Variants in GALNT16 observed in about 807,000 individuals in gnomAD.
GALNT16 encodes the protein UDP-GalNAc:polypeptide N-acetylgalactosaminyltransferase-like protein 1.
Under a neutral mutation model 76.1 loss-of-function variants are expected in GALNT16, and 40 were observed. That is an observed-to-expected ratio of 0.53 (90% CI 0.41 to 0.68). The LOEUF (loss-of-function observed/expected upper bound fraction) is 0.68. Among genes scored for constraint, GALNT16 ranks in the 30% least tolerant of loss-of-function variants. GALNT16 has a pLI of 0.00. For missense variants in GALNT16, 621 were observed against 731.9 expected (o/e 0.85, Z 1.75); for synonymous variants, 276 against 285.2 (o/e 0.97, Z 0.32).
At position 69,333,337 on chromosome 14, in the gene GALNT16, G is replaced by A. The variant is rs942005850; in HGVS notation, c.864-160G>A. 38 of 700,742 alleles carry A rather than the reference G, an allele frequency of 5.4e-5. No individual in the cohort carries two copies. The highest frequency in any genetic ancestry group is 3.3e-4 in the African/African-American group (18 of 55,226). 43.4% of individuals were successfully genotyped at this position (700,742 alleles called of 1,614,324 possible). A position where few individuals can be genotyped will look rare whatever the true frequency, so the allele number is the denominator to read the frequency against. On this transcript the variant is annotated intron_variant, in intron 8 of 14. Transcript: ENST00000448469. The surrounding 1 kb of genome is among the most constrained non-coding windows in gnomAD (Gnocchi z 4.2). ...CAGGGACAGCGAGGACAGAGGCCAC[G>A]GGAACAGATGTGGGGGGCCAGGGAG...
At chr14:69,358,607 T>G (rs948571297), downstream of GALNT16, 10 of 152,744 alleles carry the variant, frequency 6.5e-5, no homozygotes, top group African/African-American at 2.4e-4. Context: ...GACTTCTCCT[T>G]CTGAAGGATG....
intron 1 of GALNT16, among the ~76,000 whole-genome samples, chr14:69,282,324 G>T (rs116153759): frequency 0.015 from 2,256 of 152,196 alleles, 63 homozygotes; most frequent in African/African-American, 0.051. Context: ...TCCATGCACT[G>T]TGCTCCTTCC....
the GALNT16 span, among the ~76,000 whole-genome samples, chr14:69,382,834 G>A: frequency 6.7e-6 from 1 of 150,330 alleles, no homozygotes; most frequent in South Asian, 2.1e-4. Flanking sequence ...TTTATGGAAA[G>A]CTGTGTGTCG....
chr14:69,302,415 C>A (rs2044866753), intron 1 of GALNT16, among the ~76,000 whole-genome samples: 1 of 149,398 alleles, frequency 6.7e-6, no homozygotes, highest in Admixed American at 6.8e-5. Flanking sequence ...TACACACAAA[C>A]CTAGAATCAT....
intron 12 of GALNT16, among the ~76,000 whole-genome samples, chr14:69,342,679 GAAAAC>G (rs2045509845): frequency 6.6e-6 from 1 of 152,142 alleles, no homozygotes; most frequent in Non-Finnish European, 1.5e-5. Context: ...TGGCAAATGA[GAAAAC>G]AAAATGCAAA....
intron 1 of GALNT16, among the ~76,000 whole-genome samples, chr14:69,281,600 G>A (rs1249445837): frequency 6.6e-6 from 1 of 151,702 alleles, no homozygotes; most frequent in East Asian, 1.9e-4. Flanking sequence ...CTCCTTTGTT[G>A]CCAGCAGGGC....
intron 5 of GALNT16, among the ~76,000 whole-genome samples, chr14:69,327,729 A>G (rs1203432858): frequency 1.3e-5 from 2 of 152,190 alleles, no homozygotes; most frequent in Non-Finnish European, 2.9e-5. Context: ...CAGGGCACAC[A>G]TGGCCACTCT....
At chr14:69,357,413 GGCA>G (rs1483869023), downstream of GALNT16, 1 of 152,306 alleles carries the variant, frequency 6.6e-6, no homozygotes. Context: ...TTACCCTGCA[GGCA>G]GCATTGTGGT....
At chr14:69,324,459 G>A (rs2045250016) in intron 2 of GALNT16, among the ~76,000 whole-genome samples, 1 of 152,094 alleles carries the variant, frequency 6.6e-6, no homozygotes, top group African/African-American at 2.4e-5. Flanking sequence ...GGCCTTGGAA[G>A]GTCTCCCAAC....
chr14:69,360,140 C>T (rs113186852), downstream of GALNT16, among the ~76,000 whole-genome samples: 5,253 of 152,190 alleles, frequency 0.035, 331 homozygotes, highest in African/African-American at 0.12. Context: ...ACCACTTGAA[C>T]TCAGGAGTTT....
At chr14:69,297,706 C>T (rs1001452363) in intron 1 of GALNT16, among the ~76,000 whole-genome samples, 1 of 150,068 alleles carries the variant, frequency 6.7e-6, no homozygotes, top group Non-Finnish European at 1.5e-5. Flanking sequence ...TTTTTAAAAA[C>T]AAAAATAATA....
rs546249790 is a variant in GALNT16 at position 69,278,170 on chromosome 14, G to A, written c.177+17703G>A. Among the ~76,000 whole-genome samples the A allele has an allele frequency of 1.9e-3, 284 of 152,040 alleles. 3 individuals carry two copies. The highest frequency in any genetic ancestry group is 6.2e-3 in the African/African-American group (259 of 41,468). ...ACTACAGGTGCACACCACCATGCCCGGCTAATTTTTAAATGTTTTGGAAAG... is the reference window on the plus strand; with the variant it reads ...ACTACAGGTGCACACCACCATGCCCAGCTAATTTTTAAATGTTTTGGAAAG... On this transcript the variant is annotated intron_variant, in intron 1 of 14. Coordinates refer to ENST00000448469, the MANE Select transcript of GALNT16 (RefSeq NM_001168368.2).
intron 5 of GALNT16, among the ~76,000 whole-genome samples, chr14:69,327,865 CAT>C (rs1221932224): frequency 2.6e-5 from 4 of 152,214 alleles, no homozygotes; most frequent in Admixed American, 6.5e-5. Flanking sequence ...CAGAACCTGA[CAT>C]GTGTGGGTCT....
intron 12 of GALNT16, among the ~76,000 whole-genome samples, chr14:69,342,802 G>A (rs2045511940): frequency 6.6e-6 from 1 of 152,086 alleles, no homozygotes; most frequent in Admixed American, 6.5e-5. Context: ...ACATCCACGT[G>A]GTTCATTTCC....
In GALNT16 at chr14:69,261,308, G is replaced by C. The variant is rs2140092041; in HGVS notation, c.177+841G>C. Among the ~76,000 whole-genome samples, 1 of 152,258 alleles carries C rather than the reference G, an allele frequency of 6.6e-6. No homozygotes were observed. Among genetic ancestry groups the C allele is most frequent in the African/African-American group, 2.4e-5 (1 of 41,562 alleles). On this transcript the variant is annotated intron_variant, in intron 1 of 14. Transcript: ENST00000448469. This position sits in a 1 kb window ranked among gnomAD's most constrained non-coding sequence, Gnocchi z 6.4. ...CCGCCCTGCAGGGGGCGATCCTGTC[G>C]CCGTCTCCGTCCGAGCCCCAGGTGA...
intron 1 of GALNT16, among the ~76,000 whole-genome samples, chr14:69,265,130 A>C (rs1309591760): frequency 6.6e-6 from 1 of 152,032 alleles, no homozygotes; most frequent in Non-Finnish European, 1.5e-5. Context: ...ATGTTCAGAT[A>C]TAAAGGGCCT....
intron 12 of GALNT16, among the ~76,000 whole-genome samples, chr14:69,346,551 G>A (rs1048803830): frequency 6.6e-6 from 1 of 152,150 alleles, no homozygotes; most frequent in Non-Finnish European, 1.5e-5. Flanking sequence ...GTGTACAAAT[G>A]TACATACATG....
Position 69,261,677 on chromosome 14 carries a change from G to A in GALNT16, c.177+1210G>A, listed in dbSNP as rs1220746456. 6.6e-6 allele frequency among the ~76,000 whole-genome samples: 1 copy of A among 152,170 alleles called. No individual in the cohort carries two copies. The highest frequency in any genetic ancestry group is 2.4e-5 in the African/African-American group (1 of 41,434). On this transcript the variant is annotated intron_variant, in intron 1 of 14. Coordinates refer to ENST00000448469, the MANE Select transcript of GALNT16 (RefSeq NM_001168368.2). This position sits in a 1 kb window ranked among gnomAD's most constrained non-coding sequence, Gnocchi z 6.4. Reference sequence around the variant, plus strand: ...AATCCGAGAAACGCATCCAGACGCGGATCTGAACCCCAGGAATATCGGGAA... The same window carrying A: ...AATCCGAGAAACGCATCCAGACGCGAATCTGAACCCCAGGAATATCGGGAA...
chr14:69,383,332 T>G, the GALNT16 span, among the ~76,000 whole-genome samples: 1 of 152,202 alleles, frequency 6.6e-6, no homozygotes, highest in African/African-American at 2.4e-5. Context: ...TTAAAAAGAA[T>G]TAATTTAAAA....
Sources: allele counts gnomAD v4.1 joint callset (sites outside exome capture counted in the v4.1 genomes callset), GRCh38; gene constraint gnomAD v4.1.1; non-coding constraint Gnocchi (gnomAD v3.1); transcripts MANE v1.5; gene names NCBI Gene and HGNC (gene_info 2026-07-23, HGNC 2026-07-21).